HDX: variants seen among roughly 807,000 people sequenced by gnomAD.
HDX encodes chromosome X open reading frame 43.
Under a neutral mutation model 45.2 loss-of-function variants are expected in HDX, and 19 were observed. The observed-to-expected ratio is 0.42, with a 90% CI of 0.29 to 0.62. HDX has a LOEUF of 0.62. HDX is among the 20% of genes least tolerant of loss of function. The pLI, the probability that HDX is intolerant of heterozygous loss-of-function variation, is 0.20. For missense variants in HDX, 532 were observed against 493.9 expected (o/e 1.08, Z -0.73); for synonymous variants, 188 against 172.8 (o/e 1.09, Z -0.69).
At chrX:84,393,527 G>T (rs1035916623) in intron 5 of HDX, among the ~76,000 whole-genome samples, 1 of 110,003 alleles carries the variant, frequency 9.1e-6, no homozygotes, top group Non-Finnish European at 1.9e-5. Context: ...TCATAGTAAT[G>T]CTGGCATTAT....
At chrX:84,368,519 G>T (rs1178237962) in intron 5 of HDX, among the ~76,000 whole-genome samples, 1 of 111,946 alleles carries the variant, frequency 8.9e-6, no homozygotes. Context: ...GTTCTCAAAA[G>T]TAAGCCTCTT....
At position 84,361,588 on chromosome X, in the gene HDX, C is replaced by G; in HGVS notation, c.1330G>C (p.Asp444His). ...RALQDRTQFS[D>H]RDLATLKKYW... Reference sequence around the variant, plus strand: ...TTCTTAAGGGTGGCTAAGTCTCGGTCACTGAACTGAGTGCGGTCCTGTAGC... The same window carrying G: ...TTCTTAAGGGTGGCTAAGTCTCGGTGACTGAACTGAGTGCGGTCCTGTAGC... The change falls in exon 6 of 11, where the codon GAC becomes CAC. Residue 444 changes from aspartate to histidine, a missense_variant. By Grantham distance (81) the Asp-to-His change is moderately conservative. Coordinates refer to ENST00000373177, the MANE Select transcript of HDX (RefSeq NM_001177479.2). 8.3e-7 allele frequency: 1 copy of G among 1,199,371 alleles called. No homozygotes were observed. The highest frequency in any genetic ancestry group is 1.1e-6 in the Non-Finnish European group (1 of 888,063).
chrX:84,336,022 G>T (rs368734767), intron 8 of HDX, among the ~76,000 whole-genome samples: 1 of 110,385 alleles, frequency 9.1e-6, no homozygotes, highest in Non-Finnish European at 1.9e-5. Context: ...AATCAATTAA[G>T]AGGCTATTTT....
intron 8 of HDX, among the ~76,000 whole-genome samples, chrX:84,334,636 A>C (rs1186683318): frequency 2.0e-5 from 2 of 102,159 alleles, no homozygotes; most frequent in Non-Finnish European, 4.0e-5. Context: ...ATGAGGGGGC[A>C]AGTTCTCTAA....
chrX:84,452,633 T>C (rs1428205212), intron 4 of HDX, among the ~76,000 whole-genome samples: 1 of 109,037 alleles, frequency 9.2e-6, no homozygotes, highest in Non-Finnish European at 1.9e-5. Flanking sequence ...TAAACAGACA[T>C]GTAGAGCAAT....
intron 5 of HDX, chrX:84,439,975 T>C (rs1282092938): frequency 1.8e-5 from 2 of 111,719 alleles, no homozygotes; most frequent in African/African-American, 6.5e-5. Flanking sequence ...TCCTGGGATA[T>C]TTGCCAAAAT....
At chrX:84,487,294 T>C (rs188556884) in intron 2 of HDX, among the ~76,000 whole-genome samples, 97 of 112,187 alleles carry the variant, frequency 8.6e-4, no homozygotes, top group African/African-American at 2.9e-3. Flanking sequence ...TTAACACCTT[T>C]TGATAGAATT....
intron 9 of HDX, among the ~76,000 whole-genome samples, chrX:84,328,276 G>A (rs1198032887): frequency 9.0e-6 from 1 of 110,925 alleles, no homozygotes; most frequent in Non-Finnish European, 1.9e-5. Context: ...GGAGGCTGAA[G>A]CAAGAGGACT....
At position 84,469,067 on chromosome X, in the gene HDX, G is replaced by A; in HGVS notation, c.656C>T (p.Pro219Leu). Residue 219 changes from proline (P) to leucine (L), a missense_variant, in exon 4 of 11, where the codon CCT becomes CTT. Around this residue, in one of 3 missense-constraint regions of HDX, gnomAD observed 376 missense variants for 343.7 expected, o/e 1.09. Coordinates refer to ENST00000373177, the MANE Select transcript of HDX (RefSeq NM_001177479.2). ...VPQKPSVCHR[P>L]CKIEPVGIQR... ...AATCCCAACTGGTTCAATTTTACAA[G>A]GTCGGTGGCACACAGAAGGCTTTTG... The A allele has an allele frequency of 8.3e-7, 1 of 1,211,659 alleles. No individual in the cohort carries two copies. The highest frequency in any genetic ancestry group is 1.1e-6 in the Non-Finnish European group (1 of 895,414).
chrX:84,322,084 G>A, intron 10 of HDX, 70 bp from the exon 11 acceptor site: 1 of 632,186 alleles, frequency 1.6e-6, no homozygotes, highest in Non-Finnish European at 2.3e-6. Flanking sequence ...ATTAATAGTT[G>A]TAGTCCTCCC....
intron 5 of HDX, among the ~76,000 whole-genome samples, chrX:84,411,654 G>A (rs1417581156): frequency 9.0e-6 from 1 of 111,050 alleles, no homozygotes; most frequent in African/African-American, 3.3e-5. Flanking sequence ...TTTTTGGGTG[G>A]AAAGCTCTCT....
chrX:84,401,693 A>G (rs1382303678), intron 5 of HDX, among the ~76,000 whole-genome samples: 2 of 112,216 alleles, frequency 1.8e-5, no homozygotes, highest in East Asian at 2.8e-4. Context: ...AGGCCCAGCA[A>G]TCCCATTACT....
Position 84,336,823 on chromosome X carries a change from T to C in HDX, c.1718A>G (p.His573Arg), listed in dbSNP as rs372685978. ...DARAHKEEDHHAVTTDNVKIE... is the reference protein window; with the variant it reads ...DARAHKEEDHRAVTTDNVKIE... ...TACCACATTATCTGTGGTTACTGCATGGTGGTCCTCTTCCTTATGAGCCCT... is the reference window on the plus strand; with the variant it reads ...TACCACATTATCTGTGGTTACTGCACGGTGGTCCTCTTCCTTATGAGCCCT... The change falls in exon 8 of 11, where the codon CAT (histidine) becomes CGT (arginine). Residue 573 changes from histidine to arginine, a missense_variant. Coordinates refer to ENST00000373177, the MANE Select transcript of HDX (RefSeq NM_001177479.2). 1.7e-6 allele frequency: 2 copies of C among 1,185,142 alleles called. No individual in the cohort carries two copies.
intron 4 of HDX, among the ~76,000 whole-genome samples, chrX:84,445,519 T>C: frequency 9.0e-6 from 1 of 110,975 alleles, no homozygotes. Flanking sequence ...TGAATTAACT[T>C]GGGCATTTAT....
intron 9 of HDX, among the ~76,000 whole-genome samples, chrX:84,332,776 T>C (rs1459383584): frequency 2.7e-5 from 3 of 111,696 alleles, no homozygotes; most frequent in Non-Finnish European, 5.7e-5. Context: ...GAAAATACAG[T>C]CAAAATATAG....
chrX:84,446,116 A>G (rs1423529934), intron 4 of HDX, among the ~76,000 whole-genome samples: 1 of 111,805 alleles, frequency 8.9e-6, no homozygotes, highest in African/African-American at 3.2e-5. Flanking sequence ...ATAAAAATAA[A>G]ATAATGTAAG....
At chrX:84,375,003 A>G (rs1434412093) in intron 5 of HDX, among the ~76,000 whole-genome samples, 2 of 106,535 alleles carry the variant, frequency 1.9e-5, no homozygotes, top group African/African-American at 3.5e-5. Flanking sequence ...CATCTGACAA[A>G]GGGCTAATAT....
intron 7 of HDX, among the ~76,000 whole-genome samples, chrX:84,341,432 AAG>A (rs976531084): frequency 1.8e-5 from 2 of 110,373 alleles, no homozygotes; most frequent in South Asian, 3.8e-4. Flanking sequence ...AATGTTAAGA[AAG>A]AGAGAGAGAG....
intron 6 of HDX, among the ~76,000 whole-genome samples, chrX:84,357,137 T>G (rs1052294083): frequency 9.0e-6 from 1 of 111,323 alleles, no homozygotes; most frequent in South Asian, 3.8e-4. Context: ...GAGAATAAAT[T>G]AAGGGATATC....
Sources: gnomAD v4.1 joint callset for allele counts (sites outside exome capture counted in the v4.1 genomes callset) on GRCh38, gnomAD v4.1.1 for gene constraint, gnomAD v4.1.1 regional missense constraint, MANE v1.5 for transcripts, NCBI Gene and HGNC (gene_info 2026-07-23, HGNC 2026-07-21) for gene names.